The following RIGI variants were observed in gnomAD, a reference collection of about 807,000 sequenced individuals.
The protein encoded by RIGI is antiviral innate immune response receptor RIG-I.
the RIGI span, among the ~76,000 whole-genome samples, chr9:32,504,067 A>ACACACACACACACC: frequency 1.3e-5 from 2 of 151,318 alleles, no homozygotes; most frequent in Non-Finnish European, 3.0e-5. Flanking sequence ...ACACACACAC[A>ACACACACACACACC]CCCAGGTCTG....
chr9:32,487,991 T>C, the RIGI span: 9 of 1,614,000 alleles, frequency 5.6e-6, no homozygotes, highest in African/African-American at 1.2e-4. Context: ...ATCTAGATAA[T>C]TAAACATGAT....
At chr9:32,511,113 A>G in the RIGI span, among the ~76,000 whole-genome samples, 1 of 152,170 alleles carries the variant, frequency 6.6e-6, no homozygotes, top group East Asian at 1.9e-4. Context: ...ACCTACAAAG[A>G]GACTTAGACT....
chr9:32,486,408 C>T, the RIGI span, among the ~76,000 whole-genome samples: 1 of 147,848 alleles, frequency 6.8e-6, no homozygotes, highest in African/African-American at 2.5e-5. Context: ...GAGCCGAGAT[C>T]GCACCACTGC....
At chr9:32,456,976 A>G in the RIGI span, 1 of 637,978 alleles carries the variant, frequency 1.6e-6, no homozygotes, top group Admixed American at 2.9e-5. Context: ...TGCTTTGCAT[A>G]TATAATATAG....
the RIGI span, among the ~76,000 whole-genome samples, chr9:32,462,762 T>A: frequency 3.3e-5 from 5 of 152,162 alleles, no homozygotes; most frequent in Non-Finnish European, 5.9e-5. Flanking sequence ...TTGCCCTGGC[T>A]GGACTTGAAC....
At chr9:32,524,596 GTTTTTTTTTTTTT>G in the RIGI span, among the ~76,000 whole-genome samples, 139 of 67,588 alleles carry the variant, frequency 2.1e-3, 1 homozygote, top group African/African-American at 7.6e-3. Flanking sequence ...TTGTTTTTCG[GTTTTTTTTTTTTT>G]TTTTTTTTTT....
At chr9:32,497,522 C>T in the RIGI span, among the ~76,000 whole-genome samples, 2 of 152,098 alleles carry the variant, frequency 1.3e-5, no homozygotes, top group Admixed American at 1.3e-4. Flanking sequence ...CCGAGGCAGG[C>T]GGATCACAAG....
chr9:32,478,438 T>G, the RIGI span, among the ~76,000 whole-genome samples: 135 of 152,348 alleles, frequency 8.9e-4, no homozygotes, highest in Non-Finnish European at 1.6e-3. Context: ...TATAGAATGA[T>G]GTGCTGCTGC....
the RIGI span, among the ~76,000 whole-genome samples, chr9:32,491,143 A>G: frequency 1.3e-5 from 2 of 152,242 alleles, no homozygotes; most frequent in Non-Finnish European, 2.9e-5. Flanking sequence ...CATTCTAAAT[A>G]TAGAAAAAGT....
the RIGI span, chr9:32,492,594 C>G: frequency 6.3e-7 from 1 of 1,591,962 alleles, no homozygotes; most frequent in Non-Finnish European, 8.6e-7. Context: ...TTCCCTTTAT[C>G]AATTTTTACT....
chr9:32,458,086 T>G, the RIGI span, among the ~76,000 whole-genome samples: 1 of 152,160 alleles, frequency 6.6e-6, no homozygotes. Context: ...GCTGAGCTGA[T>G]GAGAGATTTC....
chr9:32,501,399 G>A, the RIGI span, among the ~76,000 whole-genome samples: 6 of 151,750 alleles, frequency 4.0e-5, no homozygotes, highest in Admixed American at 1.3e-4. Flanking sequence ...CAGCTACTTT[G>A]GAGGCTGAGG....
chr9:32,497,308 G>A, the RIGI span, among the ~76,000 whole-genome samples: 1 of 152,060 alleles, frequency 6.6e-6, no homozygotes, highest in Non-Finnish European at 1.5e-5. Context: ...TATTATAAAT[G>A]GAATTGTTAC....
chr9:32,508,341 G>A, the RIGI span, among the ~76,000 whole-genome samples: 3 of 144,516 alleles, frequency 2.1e-5, no homozygotes, highest in Non-Finnish European at 4.5e-5. Flanking sequence ...CCGGTCTGCA[G>A]CTCACAGAGA....
At chr9:32,483,086 T>C in the RIGI span, among the ~76,000 whole-genome samples, 1 of 151,728 alleles carries the variant, frequency 6.6e-6, no homozygotes, top group Non-Finnish European at 1.5e-5. Flanking sequence ...CTGTGTAGGG[T>C]GCTGGGGATA....
At chr9:32,497,438 G>A in the RIGI span, among the ~76,000 whole-genome samples, 1 of 152,108 alleles carries the variant, frequency 6.6e-6, no homozygotes, top group Non-Finnish European at 1.5e-5. Flanking sequence ...AAATCTTTAG[G>A]GTTTTCTACA....
chr9:32,524,015 A>G, the RIGI span, among the ~76,000 whole-genome samples: 1 of 152,026 alleles, frequency 6.6e-6, no homozygotes, highest in South Asian at 2.1e-4. Flanking sequence ...GTCTCCTTCC[A>G]GCTAATTTTT....
chr9:32,507,463 T>C, the RIGI span, among the ~76,000 whole-genome samples: 3 of 152,136 alleles, frequency 2.0e-5, no homozygotes, highest in Non-Finnish European at 4.4e-5. Context: ...ATAATTCCCA[T>C]ATTTCTTGAC....
chr9:32,481,271 T>C, the RIGI span: 1 of 1,479,042 alleles, frequency 6.8e-7, no homozygotes, highest in Non-Finnish European at 9.1e-7. Context: ...TGATGTTATC[T>C]TGGCTTCCAC....
Sources: gnomAD v4.1 joint callset for allele counts (sites outside exome capture counted in the v4.1 genomes callset) on GRCh38, gnomAD v4.1.1 for gene constraint, MANE v1.5 for transcripts, NCBI Gene and HGNC (gene_info 2026-07-23, HGNC 2026-07-21) for gene names.